Variants in KCNB2 observed in about 807,000 individuals in gnomAD.
KCNB2 encodes delayed rectifier potassium channel protein.
In KCNB2, 15 loss-of-function variants were observed where a neutral mutation model predicts 61.5. The observed-to-expected ratio is 0.24, with a 90% CI of 0.16 to 0.38. The LOEUF (loss-of-function observed/expected upper bound fraction) is 0.38, where lower values mean the gene tolerates loss of function less well. Among genes scored for constraint, KCNB2 ranks in the 10% least tolerant of loss-of-function variants. KCNB2 has a pLI of 1.00. For synonymous variants in KCNB2, 457 were observed against 446.0 expected (o/e 1.02, Z -0.31); for missense variants, 828 against 1,125.2 (o/e 0.74, Z 3.78).
At chr8:72,641,784 C>A (rs117649168) in intron 2 of KCNB2, among the ~76,000 whole-genome samples, 18 of 152,158 alleles carry the variant, frequency 1.2e-4, no homozygotes, top group African/African-American at 4.3e-4. Context: ...TATTACCTAC[C>A]TCATAGGCTA....
intron 2 of KCNB2, among the ~76,000 whole-genome samples, chr8:72,648,920 G>T (rs891232527): frequency 2.6e-5 from 4 of 152,008 alleles, no homozygotes; most frequent in Non-Finnish European, 5.9e-5. Flanking sequence ...TAAGAATTAT[G>T]TTTGCTACTG....
intron 2 of KCNB2, among the ~76,000 whole-genome samples, chr8:72,651,001 T>C (rs755874019): frequency 1.1e-4 from 16 of 152,184 alleles, no homozygotes; most frequent in Non-Finnish European, 1.8e-4. Flanking sequence ...ATTGTCAAAA[T>C]TGACATTCAT....
intron 2 of KCNB2, among the ~76,000 whole-genome samples, chr8:72,659,343 G>T (rs184417123): frequency 7.9e-5 from 12 of 152,316 alleles, no homozygotes; most frequent in Non-Finnish European, 1.5e-4. Flanking sequence ...GCAATGACAC[G>T]ATTTGTCTTT....
At chr8:72,822,572 A>C (rs1809529207) in intron 2 of KCNB2, among the ~76,000 whole-genome samples, 1 of 152,212 alleles carries the variant, frequency 6.6e-6, no homozygotes, top group East Asian at 1.9e-4. Context: ...TTCATCATTC[A>C]TTCTCTTTCT....
chr8:72,720,207 G>T (rs1196323449), intron 2 of KCNB2, among the ~76,000 whole-genome samples: 1 of 152,150 alleles, frequency 6.6e-6, no homozygotes, highest in East Asian at 1.9e-4. Flanking sequence ...TGATATCTTG[G>T]TGCTTGGAAG....
intron 2 of KCNB2, among the ~76,000 whole-genome samples, chr8:72,761,518 G>A (rs1053529181): frequency 6.6e-6 from 1 of 152,212 alleles, no homozygotes; most frequent in African/African-American, 2.4e-5. Flanking sequence ...ACTTGCTAGA[G>A]TGATTGCTGG....
intron 2 of KCNB2, among the ~76,000 whole-genome samples, chr8:72,854,462 A>G (rs1042908481): frequency 6.6e-6 from 1 of 152,206 alleles, no homozygotes; most frequent in Non-Finnish European, 1.5e-5. Flanking sequence ...GAAGAATAAA[A>G]ACTCATTCAT....
intron 2 of KCNB2, among the ~76,000 whole-genome samples, chr8:72,700,136 G>A (rs1044024724): frequency 1.3e-5 from 2 of 152,216 alleles, no homozygotes. Context: ...ATAAGTGGGA[G>A]TTGAACAATG....
chr8:72,629,027 C>G (rs1805838604), intron 2 of KCNB2, among the ~76,000 whole-genome samples: 1 of 152,062 alleles, frequency 6.6e-6, no homozygotes. Context: ...GAGTGTCAAA[C>G]CAATTGTTAG....
intron 2 of KCNB2, among the ~76,000 whole-genome samples, chr8:72,588,418 T>C (rs928517699): frequency 6.6e-6 from 1 of 152,094 alleles, no homozygotes; most frequent in Non-Finnish European, 1.5e-5. Context: ...GGTTTTTCCA[T>C]GTTGGTCAGG....
At chr8:72,818,317 A>G (rs190708753) in intron 2 of KCNB2, among the ~76,000 whole-genome samples, 2 of 152,322 alleles carry the variant, frequency 1.3e-5, no homozygotes, top group East Asian at 3.9e-4. Flanking sequence ...TATTACTCCT[A>G]TTACAATGCA....
chr8:72,761,439 A>C (rs541050484), intron 2 of KCNB2, among the ~76,000 whole-genome samples: 8 of 152,186 alleles, frequency 5.3e-5, no homozygotes, highest in Non-Finnish European at 8.8e-5. Context: ...TGGGGAAAAA[A>C]CCCAGCTCTT....
rs1161816409 is a variant in KCNB2, at chr8:72,561,713, A to G, written c.-93-5929A>G. 1.5e-3 allele frequency among the ~76,000 whole-genome samples: 35 copies of G among 23,950 alleles called. 2 individuals are homozygous for G. Among genetic ancestry groups the G allele is most frequent in the Admixed American group, 4.5e-3 (7 of 1,560 alleles). 15.7% of individuals were successfully genotyped at this position (23,950 alleles called of 152,430 possible). Reference sequence around the variant, plus strand: ...CTTTTATATATATATATATATATATATATATATATATATATCTATATCTAT... The same window carrying G: ...CTTTTATATATATATATATATATATGTATATATATATATATCTATATCTAT... On this transcript the variant is annotated intron_variant, in intron 1 of 2. Transcript: ENST00000523207.
rs1038565225 is a variant in KCNB2, at chr8:72,841,497, G to A, written c.580-94438G>A. ...GGTCAATGGTAGCTTGATGGGGATAGCATTGAATCTATAAATTACTTCAGG... is the reference window on the plus strand; with the variant it reads ...GGTCAATGGTAGCTTGATGGGGATAACATTGAATCTATAAATTACTTCAGG... On this transcript the variant is annotated intron_variant, in intron 2 of 2. Transcript: ENST00000523207. Among the ~76,000 whole-genome samples the A allele has an allele frequency of 2.5e-4, 38 of 150,292 alleles. 1 individual carries two copies. The highest frequency in any genetic ancestry group is 5.2e-4 in the Non-Finnish European group (35 of 67,874).
chr8:72,791,304 C>G (rs948470544), intron 2 of KCNB2, among the ~76,000 whole-genome samples: 4 of 152,108 alleles, frequency 2.6e-5, no homozygotes, highest in African/African-American at 9.7e-5. Context: ...AATCCCAGCA[C>G]TTTGCGGGAC....
At chr8:72,926,172 G>C (rs1412793328) in intron 2 of KCNB2, among the ~76,000 whole-genome samples, 1 of 152,120 alleles carries the variant, frequency 6.6e-6, no homozygotes, top group Non-Finnish European at 1.5e-5. Context: ...GTGATGGGTT[G>C]ATCTGTGCAG....
chr8:72,607,932 C>T (rs1459781394), intron 2 of KCNB2, among the ~76,000 whole-genome samples: 3 of 152,152 alleles, frequency 2.0e-5, no homozygotes, highest in Admixed American at 6.5e-5. Flanking sequence ...AATTCATCCA[C>T]TCATCATTAT....
At chr8:72,720,374 A>T (rs912411787) in intron 2 of KCNB2, among the ~76,000 whole-genome samples, 9 of 152,086 alleles carry the variant, frequency 5.9e-5, no homozygotes, top group African/African-American at 2.2e-4. Flanking sequence ...GTTTTGCTGT[A>T]ATTCTTCACC....
chr8:72,609,925 A>C (rs1456592707), intron 2 of KCNB2, among the ~76,000 whole-genome samples: 3 of 152,188 alleles, frequency 2.0e-5, no homozygotes, highest in Admixed American at 1.3e-4. Context: ...TTCACGTGGA[A>C]TATTTTCACA....
Sources: allele counts gnomAD v4.1 joint callset (sites outside exome capture counted in the v4.1 genomes callset), GRCh38; gene constraint gnomAD v4.1.1; transcripts MANE v1.5; gene names NCBI Gene and HGNC (gene_info 2026-07-23, HGNC 2026-07-21).